The following STAB2 variants were observed in gnomAD, a reference collection of about 807,000 sequenced individuals.
STAB2 encodes the protein stabilin 2, also known as stabilin-2.
A neutral mutation model predicts 338.1 loss-of-function variants in STAB2; 288 were observed. That is an observed-to-expected ratio of 0.85 (90% confidence interval 0.77 to 0.94). STAB2 has a LOEUF of 0.94. STAB2 is among the 40% of genes least tolerant of loss of function. The pLI is 0.00. For synonymous variants in STAB2, 1,202 were observed against 1,193.3 expected (o/e 1.01, Z -0.15); for missense variants, 3,141 against 3,210.1 (o/e 0.98, Z 0.52).
chr12:103,628,106 C>T (rs559191425), intron 5 of STAB2, among the ~76,000 whole-genome samples: 3 of 152,344 alleles, frequency 2.0e-5, no homozygotes, highest in Admixed American at 6.5e-5. Context: ...CAAAAATCCA[C>T]AGCCATAGGT....
At chr12:103,596,172 G>T (rs11111670) in intron 3 of STAB2, among the ~76,000 whole-genome samples, 6,052 of 152,296 alleles carry the variant, frequency 0.04, 178 homozygotes, top group East Asian at 0.12. Flanking sequence ...TGTGCCAAAT[G>T]TGGTCATGAT....
At chr12:103,741,765 AT>A (rs1244592250) in intron 55 of STAB2, among the ~76,000 whole-genome samples, 1 of 152,186 alleles carries the variant, frequency 6.6e-6, no homozygotes, top group Admixed American at 6.5e-5. Context: ...TGTTGACCCC[AT>A]TTTGTAAATG....
chr12:103,622,864 G>T (rs1355068325), intron 5 of STAB2, among the ~76,000 whole-genome samples: 1 of 152,146 alleles, frequency 6.6e-6, no homozygotes. Context: ...CTGGATCCTG[G>T]TCTCAGCATA....
chr12:103,747,534 C>T (rs951004076), intron 58 of STAB2, among the ~76,000 whole-genome samples: 5 of 149,932 alleles, frequency 3.3e-5, no homozygotes, highest in Non-Finnish European at 5.9e-5. Context: ...AGGAGGCAAA[C>T]CTCCTTCCCT....
chr12:103,732,689 C>T (rs1196043970), intron 50 of STAB2, among the ~76,000 whole-genome samples: 2 of 152,094 alleles, frequency 1.3e-5, no homozygotes, highest in African/African-American at 2.4e-5. Flanking sequence ...CCAGTAGTCC[C>T]AGCTACTCAG....
chr12:103,734,349 GCA>G lies in STAB2; in HGVS notation c.5461-1139_5461-1138del, dbSNP rs779707022. ...AGCAAGCATGATCACATGGGAGCAT[GCA>G]CAGTCTCATAGGAACAAGAGCGATC... On this transcript the variant is annotated intron_variant, in intron 51 of 68. Transcript: ENST00000388887. Among the ~76,000 whole-genome samples the G allele has an allele frequency of 1.0e-3, 154 of 150,328 alleles. 1 individual carries two copies. Among genetic ancestry groups the G allele is most frequent in the Non-Finnish European group, 9.0e-4 (61 of 67,782 alleles).
chr12:103,761,633 T>A lies in STAB2; in HGVS notation c.7359+223T>A, dbSNP rs1420920540. 3.3e-5 allele frequency among the ~76,000 whole-genome samples: 5 copies of A among 151,896 alleles called. No homozygotes were observed. In the East Asian group the frequency reaches 9.7e-4, roughly 29 times the overall value. On this transcript the variant is annotated intron_variant, in intron 66 of 68. Transcript: ENST00000388887. ...AACACAGCACCAGTCACCATTAATATCTGTTGAATGAAAGGGGGAGGATGG... is the reference window on the plus strand; with the variant it reads ...AACACAGCACCAGTCACCATTAATAACTGTTGAATGAAAGGGGGAGGATGG...
intron 9 of STAB2, among the ~76,000 whole-genome samples, chr12:103,645,171 G>A (rs1170278407): frequency 6.6e-6 from 1 of 152,152 alleles, no homozygotes; most frequent in East Asian, 1.9e-4. Flanking sequence ...GCTTCTGGGT[G>A]TTTTTAAAGC....
chr12:103,619,757 C>A (rs867724072), intron 3 of STAB2, among the ~76,000 whole-genome samples: 2 of 128,746 alleles, frequency 1.6e-5, no homozygotes, highest in East Asian at 6.2e-4. Flanking sequence ...ACGCCCCCCG[C>A]CCCCGCCACC....
chr12:103,739,575 C>A lies in STAB2; in HGVS notation c.5754+107C>A, dbSNP rs1222555340. 6 of 615,592 alleles carry A rather than the reference C, an allele frequency of 9.7e-6. No individual in the cohort carries two copies. In the East Asian group the frequency reaches 1.4e-4, roughly 14 times the overall value. The allele number at this position is 615,592 out of a possible 1,614,324, so 38.1% of individuals were successfully genotyped here. On this transcript the variant is annotated intron_variant, in intron 54 of 68. Transcript: ENST00000388887. ...TGTGTGTGTGTGTGTGTGTGTGTGC[C>A]CGTGCACGTATGTTGCATAAATGTA...
At chr12:103,711,264 A>G in intron 39 of STAB2, 2 of 610,134 alleles carry the variant, frequency 3.3e-6, no homozygotes, top group South Asian at 2.1e-5. Context: ...CAAACAGAAG[A>G]CACCATCAAT....
At chr12:103,687,855 G>C (rs551022531) in intron 27 of STAB2, among the ~76,000 whole-genome samples, 1 of 152,140 alleles carries the variant, frequency 6.6e-6, no homozygotes, top group Non-Finnish European at 1.5e-5. Context: ...AGGTAGCCGC[G>C]TTCTTACAGC....
chr12:103,745,298 G>T, intron 57 of STAB2, 21 bp downstream of exon 57: 1 of 1,606,936 alleles, frequency 6.2e-7, no homozygotes, highest in Non-Finnish European at 8.5e-7. Flanking sequence ...GGAGTGGTCA[G>T]CTGCTGGCAG....
Position 103,687,254 on chromosome 12 carries a change from C to T in STAB2, c.2998-914C>T, listed in dbSNP as rs137953660. Among the ~76,000 whole-genome samples the T allele has an allele frequency of 7.6e-3, 1,161 of 152,148 alleles. 6 individuals are homozygous for T. Among genetic ancestry groups the T allele is most frequent in the Middle Eastern group, 0.041 (12 of 294 alleles). On this transcript the variant is annotated intron_variant, in intron 27 of 68. Coordinates refer to ENST00000388887, the MANE Select transcript of STAB2 (RefSeq NM_017564.10). The stretch of plus-strand genomic sequence containing the variant: ...GAGTTCTCAGAGGTTAAGTGACTTG[C>T]CCAAGATCACACAGCTGGTAAATGG...
chr12:103,643,917 G>T (rs1873113573), intron 9 of STAB2, among the ~76,000 whole-genome samples: 1 of 81,092 alleles, frequency 1.2e-5, no homozygotes. Context: ...GAAGTGAGGA[G>T]CCCCTCTGCC....
chr12:103,680,682 G>A (rs1593226220), intron 25 of STAB2, among the ~76,000 whole-genome samples: 1 of 152,232 alleles, frequency 6.6e-6, no homozygotes, highest in East Asian at 1.9e-4. Context: ...GGCCCAGGGT[G>A]GAAGATGCAG....
At position 103,766,619 on chromosome 12, in the gene STAB2, T is replaced by G. The variant is rs1332030730; in HGVS notation, c.*283T>G. 10 of 380,318 alleles carry G rather than the reference T, an allele frequency of 2.6e-5. No individual in the cohort carries two copies. The highest frequency in any genetic ancestry group is 4.3e-5 in the Non-Finnish European group (9 of 208,056). 23.6% of individuals were successfully genotyped at this position (380,318 alleles called of 1,614,324 possible). A position where few individuals can be genotyped will look rare whatever the true frequency, so the allele number is the denominator to read the frequency against. ...ACATGATGGGTAACTGTGATCTTTCTTCCCTGTTAGATTGTAAGCCTCCGT... is the reference window on the plus strand; with the variant it reads ...ACATGATGGGTAACTGTGATCTTTCGTCCCTGTTAGATTGTAAGCCTCCGT... On this transcript the variant is annotated 3_prime_UTR_variant, in exon 69 of 69. Transcript: ENST00000388887.
At position 103,711,622 on chromosome 12, in the gene STAB2, C is replaced by G. The variant is rs1001405920; in HGVS notation, c.4334+106C>G. 25 of 1,316,936 alleles carry G rather than the reference C, an allele frequency of 1.9e-5. No individual in the cohort carries two copies. The African/African-American group carries it at 3.4e-4, about 18-fold the overall frequency. The allele number at this position is 1,316,936 out of a possible 1,614,324, so 81.6% of individuals were successfully genotyped here. Reference sequence around the variant, plus strand: ...GGGGATTTGTTTCCTGACACCATTTCTGAGGGCTTAGGATAAACTTGAGTA... The same window carrying G: ...GGGGATTTGTTTCCTGACACCATTTGTGAGGGCTTAGGATAAACTTGAGTA... On this transcript the variant is annotated intron_variant, in intron 40 of 68. Coordinates refer to ENST00000388887, the MANE Select transcript of STAB2 (RefSeq NM_017564.10).
At chr12:103,756,381 T>C (rs1008998758) in intron 63 of STAB2, among the ~76,000 whole-genome samples, 4 of 152,196 alleles carry the variant, frequency 2.6e-5, no homozygotes, top group Non-Finnish European at 4.4e-5. Flanking sequence ...ATTCAAGCCA[T>C]AGAATGTAAG....
Sources: allele counts gnomAD v4.1 joint callset (sites outside exome capture counted in the v4.1 genomes callset), GRCh38; gene constraint gnomAD v4.1.1; transcripts MANE v1.5; gene names NCBI Gene and HGNC (gene_info 2026-07-23, HGNC 2026-07-21).